AP1G1: variants seen among roughly 807,000 people sequenced by gnomAD.
AP1G1 encodes AP-1 complex subunit gamma-1.
Under a neutral mutation model 108.3 loss-of-function variants are expected in AP1G1, and 7 were observed. The observed-to-expected ratio is 0.06, with a 90% CI of 0.04 to 0.12. The LOEUF is 0.12. Among genes scored for constraint, AP1G1 ranks in the 10% least tolerant of loss-of-function variants. The probability of loss-of-function intolerance (pLI) is 1.00; values close to 1 mark genes in which losing one functional copy is unlikely to be tolerated. For synonymous variants in AP1G1, 379 were observed against 353.5 expected (o/e 1.07, Z -0.81); for missense variants, 756 against 1,010.7 (o/e 0.75, Z 3.42).
rs573581952 is a variant in AP1G1 at position 71,779,995 on chromosome 16, G to GTT, written c.202-5405_202-5404dup. ...AAAAATTTTGTTTCAGTTTTTTTTT[G>GTT]TTTTTTTTTTTTTTTTGAGACGAAG... On this transcript the variant is annotated intron_variant, in intron 2 of 22. Coordinates refer to ENST00000299980, the MANE Select transcript of AP1G1 (RefSeq NM_001128.6). Among the ~76,000 whole-genome samples the GTT allele has an allele frequency of 1.2e-3, 153 of 129,602 alleles. 3 individuals carry two copies. Among genetic ancestry groups the GTT allele is most frequent in the South Asian group, 4.5e-3 (18 of 3,970 alleles). 85.0% of individuals were successfully genotyped at this position (129,602 alleles called of 152,430 possible).
intron 13 of AP1G1, chr16:71,753,529 TC>T (rs1194080433): frequency 6.5e-6 from 2 of 305,988 alleles, no homozygotes; most frequent in African/African-American, 4.3e-5. Flanking sequence ...TTCCTCACGA[TC>T]TCTGCATGGC....
rs923945988 is a variant in AP1G1 at position 71,731,693 on chromosome 16, C to T, written c.*1365G>A. 7.2e-5 allele frequency: 11 copies of T among 152,576 alleles called. No individual in the cohort carries two copies. Among genetic ancestry groups the T allele is most frequent in the Admixed American group, 6.5e-4 (10 of 15,280 alleles). 9.5% of individuals were successfully genotyped at this position (152,576 alleles called of 1,614,324 possible). ...TCCTTTCTAAAAAGCACTTGGCACT[C>T]TCACTAGTTTAAAAAGCTCAAGTCT... On this transcript the variant is annotated 3_prime_UTR_variant, in exon 23 of 23. Transcript: ENST00000299980.
At chr16:71,780,190 C>T (rs993768808) in intron 2 of AP1G1, among the ~76,000 whole-genome samples, 1 of 151,816 alleles carries the variant, frequency 6.6e-6, no homozygotes, top group Non-Finnish European at 1.5e-5. Flanking sequence ...GATGGGGTTC[C>T]GCCATGTTGG....
chr16:71,757,258 C>G (rs1021320790), intron 11 of AP1G1, among the ~76,000 whole-genome samples: 1 of 151,972 alleles, frequency 6.6e-6, no homozygotes, highest in East Asian at 1.9e-4. Context: ...CGAGACCAAC[C>G]TAGCCAATAC....
At position 71,733,081 on chromosome 16, in the gene AP1G1, A is replaced by T; in HGVS notation, c.2446T>A (p.Phe816Ile). ...CCTCATTGCCAGGACTGAGGGGGAAAGTTGTTCACCTCTGCTAGATCTTGC... is the reference window on the plus strand; with the variant it reads ...CCTCATTGCCAGGACTGAGGGGGAATGTTGTTCACCTCTGCTAGATCTTGC... The part of the protein sequence containing the change: ...AMQDLAEVNN[F>I]PPQSWQ Residue 816 changes from phenylalanine (F) to isoleucine (I), a missense_variant, in exon 23 of 23, where the codon TTT (phenylalanine) becomes ATT (isoleucine). Coordinates refer to ENST00000299980, the MANE Select transcript of AP1G1 (RefSeq NM_001128.6). 2 of 1,613,954 alleles carry T rather than the reference A, an allele frequency of 1.2e-6. No individual in the cohort carries two copies. Among genetic ancestry groups the T allele is most frequent in the Non-Finnish European group, 1.7e-6 (2 of 1,179,866 alleles).
intron 9 of AP1G1, among the ~76,000 whole-genome samples, chr16:71,763,021 A>T (rs1429475532): frequency 6.6e-6 from 1 of 152,196 alleles, no homozygotes; most frequent in Non-Finnish European, 1.5e-5. Context: ...CCCAGCTGGT[A>T]TTCACCAGAA....
intron 15 of AP1G1, among the ~76,000 whole-genome samples, chr16:71,749,481 TA>T (rs58512452): frequency 0.4 from 58,849 of 145,822 alleles, 12,199 homozygotes; most frequent in East Asian, 0.75. Context: ...GAGACTCTAT[TA>T]AAAAAAAAAA....
At chr16:71,744,503 T>A (rs2030057069) in intron 19 of AP1G1, among the ~76,000 whole-genome samples, 1 of 151,404 alleles carries the variant, frequency 6.6e-6, no homozygotes, top group Admixed American at 6.6e-5. Context: ...CAAGAAGAAG[T>A]CATGTCTTGG....
intron 2 of AP1G1, among the ~76,000 whole-genome samples, chr16:71,784,822 G>A (rs1019475090): frequency 6.6e-6 from 1 of 151,522 alleles, no homozygotes; most frequent in African/African-American, 2.4e-5. Flanking sequence ...GCCTCCCAAA[G>A]TGCCAGGATT....
chr16:71,791,764 T>TC (rs2032409800), intron 1 of AP1G1, among the ~76,000 whole-genome samples: 1 of 16,102 alleles, frequency 6.2e-5, no homozygotes, highest in Admixed American at 8.0e-4. Flanking sequence ...AAACTCTGAC[T>TC]TTTTTTTTTT....
intron 1 of AP1G1, chr16:71,808,532 G>A (rs2033080320): frequency 7.8e-7 from 1 of 1,281,750 alleles, no homozygotes; most frequent in Non-Finnish European, 1.0e-6. Flanking sequence ...AACACGGAAC[G>A]CCGCGGCGCG....
chr16:71,737,774 T>C (rs2045568141), intron 21 of AP1G1, among the ~76,000 whole-genome samples: 1 of 152,284 alleles, frequency 6.6e-6, no homozygotes, highest in African/African-American at 2.4e-5. Flanking sequence ...ATATTTCACA[T>C]GCCACTGCCA....
chr16:71,782,916 C>G (rs1251131656), intron 2 of AP1G1, among the ~76,000 whole-genome samples: 1 of 152,072 alleles, frequency 6.6e-6, no homozygotes, highest in Non-Finnish European at 1.5e-5. Flanking sequence ...ATCATTCAAG[C>G]TTATTTTGTA....
intron 13 of AP1G1, among the ~76,000 whole-genome samples, chr16:71,750,732 A>G (rs1317545627): frequency 6.6e-6 from 1 of 152,050 alleles, no homozygotes; most frequent in East Asian, 1.9e-4. Flanking sequence ...ATTGTTTTTA[A>G]AAGAAGAATA....
intron 19 of AP1G1, among the ~76,000 whole-genome samples, chr16:71,741,976 G>A (rs188320441): frequency 1.1e-4 from 16 of 152,254 alleles, no homozygotes; most frequent in Admixed American, 1.0e-3. Context: ...AATCTATTCT[G>A]AATTTCTACT....
chr16:71,777,308 G>A (rs58489678), intron 2 of AP1G1, among the ~76,000 whole-genome samples: 1 of 150,922 alleles, frequency 6.6e-6, no homozygotes, highest in Non-Finnish European at 1.5e-5. Context: ...GAGGCTACCA[G>A]AGGGTGGGGG....
chr16:71,807,354 C>T (rs12444156), intron 1 of AP1G1, among the ~76,000 whole-genome samples: 15,933 of 152,262 alleles, frequency 0.1, 996 homozygotes, highest in Middle Eastern at 0.19. Flanking sequence ...ACTGCTTGAA[C>T]CCGGGAGGCG....
At chr16:71,795,115 T>C (rs2032540406) in intron 1 of AP1G1, among the ~76,000 whole-genome samples, 1 of 152,040 alleles carries the variant, frequency 6.6e-6, no homozygotes, top group Non-Finnish European at 1.5e-5. Context: ...TTCTCTCTTC[T>C]ACCCTGCCCA....
At chr16:71,771,563 G>A (rs558259355) in intron 4 of AP1G1, among the ~76,000 whole-genome samples, 5 of 152,240 alleles carry the variant, frequency 3.3e-5, no homozygotes, top group African/African-American at 1.2e-4. Context: ...TTATTAACTG[G>A]TTGGGGAGTT....
Sources: allele counts gnomAD v4.1 joint callset (sites outside exome capture counted in the v4.1 genomes callset), GRCh38; gene constraint gnomAD v4.1.1; transcripts MANE v1.5; gene names NCBI Gene and HGNC (gene_info 2026-07-23, HGNC 2026-07-21).